Variants in CDCA7L observed in about 807,000 individuals in gnomAD.
CDCA7L encodes the protein cell division cycle-associated 7-like protein.
In CDCA7L, 44 loss-of-function variants were observed where a neutral mutation model predicts 57.4. The ratio of observed to expected loss-of-function variants is 0.77; its 90% CI spans 0.60 to 0.98. The LOEUF is 0.98. Among genes scored for constraint, CDCA7L ranks in the 50% least tolerant of loss-of-function variants. The pLI, the probability that CDCA7L is intolerant of heterozygous loss-of-function variation, is 0.00. For missense variants in CDCA7L, 644 were observed against 580.6 expected (o/e 1.11, Z -1.12); for synonymous variants, 236 against 202.8 (o/e 1.16, Z -1.39).
chr7:21,942,041 A>G (rs1339147426), intron 1 of CDCA7L, among the ~76,000 whole-genome samples: 1 of 152,156 alleles, frequency 6.6e-6, no homozygotes, highest in Non-Finnish European at 1.5e-5. Context: ...GTGGGGAAAG[A>G]GGCGTGTTTT....
At chr7:21,912,165 G>A (rs1785350517) in intron 2 of CDCA7L, among the ~76,000 whole-genome samples, 1 of 152,082 alleles carries the variant, frequency 6.6e-6, no homozygotes, top group Non-Finnish European at 1.5e-5. Context: ...GGGAGGCTAA[G>A]GTGGGAGGAT....
At chr7:21,912,627 C>T (rs1785368199) in intron 2 of CDCA7L, among the ~76,000 whole-genome samples, 1 of 152,194 alleles carries the variant, frequency 6.6e-6, no homozygotes, top group South Asian at 2.1e-4. Flanking sequence ...CAACAGCGAG[C>T]TTCTCTGTAG....
intron 1 of CDCA7L, among the ~76,000 whole-genome samples, chr7:21,933,184 T>C (rs563179072): frequency 6.6e-6 from 1 of 152,122 alleles, no homozygotes; most frequent in African/African-American, 2.4e-5. Context: ...GAAATAGGAA[T>C]GCTTTTACAC....
At chr7:21,904,770 C>T (rs771599639) in intron 7 of CDCA7L, among the ~76,000 whole-genome samples, 1 of 149,832 alleles carries the variant, frequency 6.7e-6, no homozygotes, top group Non-Finnish European at 1.5e-5. Flanking sequence ...AGAATGTAAC[C>T]ATCACAGGTC....
chr7:21,932,692 A>G (rs1005940036), intron 1 of CDCA7L, among the ~76,000 whole-genome samples: 6 of 152,222 alleles, frequency 3.9e-5, no homozygotes, highest in African/African-American at 1.4e-4. Context: ...CTAAAACCAT[A>G]AACACCCTAG....
At chr7:21,914,510 C>T (rs963323387) in intron 2 of CDCA7L, among the ~76,000 whole-genome samples, 7 of 152,058 alleles carry the variant, frequency 4.6e-5, no homozygotes, top group African/African-American at 9.7e-5. Flanking sequence ...ATGTGAGCCA[C>T]GGTAGAGGCT....
At position 21,901,176 on chromosome 7, in the gene CDCA7L, CT is replaced by C; in HGVS notation, c.*1145del. 6.2e-7 allele frequency: 1 copy of C among 1,613,946 alleles called. No individual in the cohort carries two copies. Among genetic ancestry groups the C allele is most frequent in the African/African-American group, 1.3e-5 (1 of 75,048 alleles). Reference sequence around the variant, plus strand: ...CCAAACTGAGAGGCCCCAGCTACATCTGGACCTTCAGGCTGAAGAGCGAAGA... The same window carrying C: ...CCAAACTGAGAGGCCCCAGCTACATCGGACCTTCAGGCTGAAGAGCGAAGA... On this transcript the variant is annotated 3_prime_UTR_variant, in exon 10 of 10. Coordinates refer to ENST00000406877, the MANE Select transcript of CDCA7L (RefSeq NM_018719.5).
At chr7:21,902,413 C>G (rs896376925) in intron 9 of CDCA7L, 61 bp from the exon 10 acceptor site, 2 of 1,482,688 alleles carry the variant, frequency 1.3e-6, no homozygotes, top group East Asian at 4.5e-5. Context: ...GCATTCTAGG[C>G]TTGAGAGATT....
intron 2 of CDCA7L, among the ~76,000 whole-genome samples, chr7:21,915,103 G>C (rs181189700): frequency 2.0e-5 from 3 of 152,090 alleles, no homozygotes; most frequent in Non-Finnish European, 4.4e-5. Context: ...ATGAGCATTC[G>C]GGTAAGAGCT....
intron 1 of CDCA7L, among the ~76,000 whole-genome samples, chr7:21,943,033 G>A (rs925015928): frequency 6.6e-6 from 1 of 152,214 alleles, no homozygotes; most frequent in Non-Finnish European, 1.5e-5. Flanking sequence ...AGAGTACGAG[G>A]AGAACACTGA....
rs748952372 is a variant in CDCA7L, at chr7:21,903,095, CAG to C, written c.1215_1216del (p.Cys406SerfsTer13). On this transcript the variant is annotated frameshift_variant, in exon 9 of 10. Coordinates refer to ENST00000406877, the MANE Select transcript of CDCA7L (RefSeq NM_018719.5). LOFTEE classifies it high-confidence loss of function. Reference sequence around the variant, plus strand: ...GTAGCTGCAATTGCAGATCCCACGACAGGGGGGACACACCCAATCCTAACAGA... The same window carrying C: ...GTAGCTGCAATTGCAGATCCCACGACGGGGGACACACCCAATCCTAACAGA... 7.4e-6 allele frequency: 12 copies of C among 1,613,764 alleles called. No homozygotes were observed. The highest frequency in any genetic ancestry group is 7.6e-6 in the Non-Finnish European group (9 of 1,179,942).
At chr7:21,902,395 C>G (rs1583834715) in intron 9 of CDCA7L, 43 bp from the exon 10 acceptor site, 1 of 1,572,364 alleles carries the variant, frequency 6.4e-7, no homozygotes, top group Non-Finnish European at 8.8e-7. Context: ...AGTACAAATA[C>G]ACAAATGGCA....
chr7:21,901,830 CTACAGT>C lies in CDCA7L; in HGVS notation c.*486_*491del, dbSNP rs1372655418. ...AAGTTTTAATAAAAATAAAACTGTT[CTACAGT>C]TAATTGCACTTTGTTCAGTGTAAAT... On this transcript the variant is annotated 3_prime_UTR_variant, in exon 10 of 10. Coordinates refer to ENST00000406877, the MANE Select transcript of CDCA7L (RefSeq NM_018719.5). 1.1e-4 allele frequency: 19 copies of C among 171,050 alleles called. No individual in the cohort carries two copies. Among genetic ancestry groups the C allele is most frequent in the Non-Finnish European group, 6.4e-5 (5 of 78,470 alleles). The allele number at this position is 171,050 out of a possible 1,614,324, so 10.6% of individuals were successfully genotyped here.
chr7:21,922,851 A>G (rs1247558212), intron 1 of CDCA7L, among the ~76,000 whole-genome samples: 2 of 152,206 alleles, frequency 1.3e-5, no homozygotes, highest in East Asian at 3.9e-4. Context: ...GAAGGAAATT[A>G]TGACACATGC....
chr7:21,919,895 TA>T, intron 1 of CDCA7L, among the ~76,000 whole-genome samples: 1 of 152,208 alleles, frequency 6.6e-6, no homozygotes, highest in Non-Finnish European at 1.5e-5. Context: ...TTCCTTCAGC[TA>T]ACCAGATGAT....
At chr7:21,907,255 G>C (rs538969376) in intron 4 of CDCA7L, among the ~76,000 whole-genome samples, 1 of 152,134 alleles carries the variant, frequency 6.6e-6, no homozygotes, top group Non-Finnish European at 1.5e-5. Context: ...TTATTTTAAA[G>C]ATGCAGATGG....
At position 21,901,465 on chromosome 7, in the gene CDCA7L, C is replaced by G. The variant is rs376128616; in HGVS notation, c.*857G>C. 3.5e-6 allele frequency: 2 copies of G among 565,512 alleles called. No homozygotes were observed. Among genetic ancestry groups the G allele is most frequent in the Non-Finnish European group, 5.2e-6 (2 of 386,714 alleles). 35.0% of individuals were successfully genotyped at this position (565,512 alleles called of 1,614,324 possible). The stretch of plus-strand genomic sequence containing the variant: ...TGGCACACGACTGTAATCCCAGTTA[C>G]TCAGGAGGTAGGAGAATCACTTGAA... On this transcript the variant is annotated 3_prime_UTR_variant, in exon 10 of 10. Transcript: ENST00000406877.
At chr7:21,944,375 C>T (rs150035560) in intron 1 of CDCA7L, among the ~76,000 whole-genome samples, 154 of 139,898 alleles carry the variant, frequency 1.1e-3, no homozygotes, top group African/African-American at 4.0e-3. Context: ...TGCTTGAACC[C>T]GGGAGGCGAA....
At chr7:21,928,221 T>C (rs1785886902) in intron 1 of CDCA7L, among the ~76,000 whole-genome samples, 1 of 152,034 alleles carries the variant, frequency 6.6e-6, no homozygotes, top group Non-Finnish European at 1.5e-5. Flanking sequence ...GCCTGACTGT[T>C]AGAAGAAAAA....
Sources: gnomAD v4.1 joint callset for allele counts (sites outside exome capture counted in the v4.1 genomes callset) on GRCh38, gnomAD v4.1.1 for gene constraint, MANE v1.5 for transcripts, NCBI Gene and HGNC (gene_info 2026-07-23, HGNC 2026-07-21) for gene names.